TMEM213: variants seen among roughly 807,000 people sequenced by gnomAD.
TMEM213 encodes transmembrane protein 213.
In TMEM213, 7 loss-of-function variants were observed where a neutral mutation model predicts 11.6. The observed-to-expected ratio is 0.60, with a 90% CI of 0.34 to 1.13. TMEM213 has a LOEUF of 1.13. Among genes scored for constraint, TMEM213 ranks in the 50% most tolerant of loss-of-function variants. The pLI is 0.03. For synonymous variants in TMEM213, 60 were observed against 58.3 expected (o/e 1.03, Z -0.13); for missense variants, 129 against 139.0 (o/e 0.93, Z 0.36).
At chr7:138,799,452 G>C (rs188310654) in intron 1 of TMEM213, 1 of 152,320 alleles carries the variant, frequency 6.6e-6, no homozygotes, top group East Asian at 1.9e-4. Flanking sequence ...TTCTGGCTCT[G>C]CTTATAAGGG....
intron 1 of TMEM213, among the ~76,000 whole-genome samples, chr7:138,799,093 C>T (rs915683910): frequency 6.6e-6 from 1 of 152,270 alleles, no homozygotes; most frequent in Non-Finnish European, 1.5e-5. Context: ...GCTATGCGAC[C>T]TCGAGCAAAT....
intron 2 of TMEM213, chr7:138,801,636 C>A (rs999953166): frequency 3.8e-6 from 2 of 530,864 alleles, no homozygotes; most frequent in Non-Finnish European, 6.7e-6. Context: ...ATGACCCATC[C>A]CAGGTCAGCA....
At chr7:138,801,023 G>A (rs559331804) in intron 1 of TMEM213, among the ~76,000 whole-genome samples, 4 of 151,922 alleles carry the variant, frequency 2.6e-5, no homozygotes, top group African/African-American at 7.3e-5. Context: ...TAAGGACCCC[G>A]CCATATTGGA....
In TMEM213 at chr7:138,798,143, C is replaced by A. The variant is rs746245796; in HGVS notation, c.39C>A (p.Ile13=). The part of the protein sequence containing the change: ...RLPAATRATL[I]LSLAFASLHS... Reference sequence around the variant, plus strand: ...CCGCTGCCACCCGGGCCACCCTGATCCTCAGCCTGGCCTTTGCCTCCCTCC... The same window carrying A: ...CCGCTGCCACCCGGGCCACCCTGATACTCAGCCTGGCCTTTGCCTCCCTCC... Residue 13 remains isoleucine (I), a synonymous_variant, in exon 1 of 3, where the codon ATC becomes ATA. Coordinates refer to ENST00000442682, the MANE Select transcript of TMEM213 (RefSeq NM_001085429.2). The A allele has an allele frequency of 1.2e-6, 2 of 1,602,248 alleles. No homozygotes were observed. The highest frequency in any genetic ancestry group is 1.7e-6 in the Non-Finnish European group (2 of 1,174,986).
Position 138,804,062 on chromosome 7 carries a change from A to C in TMEM213, c.*993A>C, listed in dbSNP as rs1401002751. ...CTGTCTTCCACGGCTCTCCTGTCCC[A>C]CCTATTCTCCCTGCCGGTGCCCAAG... On this transcript the variant is annotated 3_prime_UTR_variant, in exon 3 of 3. Transcript: ENST00000442682. The C allele has an allele frequency of 6.6e-6, 1 of 152,272 alleles. No individual in the cohort carries two copies. The highest frequency in any genetic ancestry group is 1.9e-4 in the East Asian group (1 of 5,178). The allele number at this position is 152,272 out of a possible 1,614,324, so 9.4% of individuals were successfully genotyped here. A position where few individuals can be genotyped will look rare whatever the true frequency, so the allele number is the denominator to read the frequency against.
chr7:138,800,742 C>T (rs1808913544), intron 1 of TMEM213, among the ~76,000 whole-genome samples: 1 of 143,414 alleles, frequency 7.0e-6, no homozygotes, highest in Non-Finnish European at 1.5e-5. Flanking sequence ...CACTCGTCAC[C>T]CAGGCTGGAG....
At position 138,805,247 on chromosome 7, in the gene TMEM213, T is replaced by G. The variant is rs1268692997; in HGVS notation, c.*2178T>G. 6.7e-6 allele frequency: 1 copy of G among 150,006 alleles called. No individual in the cohort carries two copies. The highest frequency in any genetic ancestry group is 2.5e-5 in the African/African-American group (1 of 40,750). The allele number at this position is 150,006 out of a possible 1,614,324, so 9.3% of individuals were successfully genotyped here. On this transcript the variant is annotated 3_prime_UTR_variant, in exon 3 of 3. Coordinates refer to ENST00000442682, the MANE Select transcript of TMEM213 (RefSeq NM_001085429.2). ...GTCTCTACAAAAAAAAAAAAAAGATTAGCCAGGCGTGGTGGTGCACACTGA... is the reference window on the plus strand; with the variant it reads ...GTCTCTACAAAAAAAAAAAAAAGATGAGCCAGGCGTGGTGGTGCACACTGA...
At chr7:138,801,257 A>G (rs1808934638) in intron 1 of TMEM213, 70 bp from the exon 2 acceptor site, 2 of 1,405,122 alleles carry the variant, frequency 1.4e-6, no homozygotes, top group Admixed American at 1.9e-5. Flanking sequence ...TTTACAAAAA[A>G]CATTTCAAAA....
Position 138,803,742 on chromosome 7 carries a change from C to T in TMEM213, c.*673C>T, listed in dbSNP as rs2084663. 62,292 of 147,034 alleles carry T rather than the reference C, an allele frequency of 0.42. 13,797 individuals are homozygous for T. The highest frequency in any genetic ancestry group is 0.67 in the East Asian group (3,293 of 4,930). The allele number at this position is 147,034 out of a possible 1,614,324, so 9.1% of individuals were successfully genotyped here. A position where few individuals can be genotyped will look rare whatever the true frequency, so the allele number is the denominator to read the frequency against. On this transcript the variant is annotated 3_prime_UTR_variant, in exon 3 of 3. Transcript: ENST00000442682. Reference sequence around the variant, plus strand: ...GCAGTGAGCCAAGATCATGCCACTGCACTCCAGCCTGGGCGGCAGAGCAAG... The same window carrying T: ...GCAGTGAGCCAAGATCATGCCACTGTACTCCAGCCTGGGCGGCAGAGCAAG...
chr7:138,801,079 G>A (rs1016373990), intron 1 of TMEM213, among the ~76,000 whole-genome samples: 2 of 151,994 alleles, frequency 1.3e-5, no homozygotes, highest in African/African-American at 4.8e-5. Context: ...CTGCCTCTTC[G>A]AATGTCCCAT....
At position 138,803,322 on chromosome 7, in the gene TMEM213, C is replaced by G; in HGVS notation, c.*253C>G. 2.1e-6 allele frequency: 1 copy of G among 475,234 alleles called. No individual in the cohort carries two copies. The allele number at this position is 475,234 out of a possible 1,614,324, so 29.4% of individuals were successfully genotyped here. A position where few individuals can be genotyped will look rare whatever the true frequency, so the allele number is the denominator to read the frequency against. On this transcript the variant is annotated 3_prime_UTR_variant, in exon 3 of 3. Coordinates refer to ENST00000442682, the MANE Select transcript of TMEM213 (RefSeq NM_001085429.2). ...CAAGATAGTCCCTCTGTAATGTATC[C>G]TGTTTTAACCTTTCTTCTAGGCACC...
rs1441760646 is a variant in TMEM213, at chr7:138,798,200, C to T, written c.82+14C>T. The T allele has an allele frequency of 7.6e-6, 12 of 1,578,664 alleles. No homozygotes were observed. Among genetic ancestry groups the T allele is most frequent in the African/African-American group, 1.3e-5 (1 of 74,256 alleles). On this transcript the variant is annotated intron_variant, in intron 1 of 2. Transcript: ENST00000442682. ...CTTGCTCGGCAGGTAGCGTTATGAG[C>T]TTTATTCATGGCCAGGCTGGGAAGG...
rs1584965630 is a variant in TMEM213 at position 138,804,803 on chromosome 7, T to C, written c.*1734T>C. ...TGTCACTTAGCATGGAGAGTGGACG[T>C]TGCACATCACTGTGAAACCTTGCAG... On this transcript the variant is annotated 3_prime_UTR_variant, in exon 3 of 3. Transcript: ENST00000442682. 1 of 152,172 alleles carries C rather than the reference T, an allele frequency of 6.6e-6. No homozygotes were observed. The highest frequency in any genetic ancestry group is 2.4e-5 in the African/African-American group (1 of 41,444). The allele number at this position is 152,172 out of a possible 1,614,324, so 9.4% of individuals were successfully genotyped here.
At chr7:138,798,429 G>A in intron 1 of TMEM213, 1 of 550,062 alleles carries the variant, frequency 1.8e-6, no homozygotes, top group South Asian at 2.1e-5. Flanking sequence ...CTCAGCTAAG[G>A]CAGGAGCAGC....
intron 1 of TMEM213, chr7:138,799,385 T>C (rs922526381): frequency 5.0e-4 from 76 of 152,214 alleles, no homozygotes; most frequent in African/African-American, 1.7e-3. Context: ...AATCGTTGGG[T>C]CTTCCCAGCA....
rs1309516653 is a variant in TMEM213 at position 138,804,694 on chromosome 7, C to T, written c.*1625C>T. On this transcript the variant is annotated 3_prime_UTR_variant, in exon 3 of 3. Coordinates refer to ENST00000442682, the MANE Select transcript of TMEM213 (RefSeq NM_001085429.2). ...GGTCCTCACTCTGCATTAGGAGCCTCCATTTTTCTCCAGATGGTTGAAATA... is the reference window on the plus strand; with the variant it reads ...GGTCCTCACTCTGCATTAGGAGCCTTCATTTTTCTCCAGATGGTTGAAATA... The T allele has an allele frequency of 2.0e-5, 3 of 152,156 alleles. No homozygotes were observed. The highest frequency in any genetic ancestry group is 1.9e-4 in the East Asian group (1 of 5,194). The allele number at this position is 152,156 out of a possible 1,614,324, so 9.4% of individuals were successfully genotyped here.
At position 138,804,755 on chromosome 7, in the gene TMEM213, C is replaced by T. The variant is rs1161818486; in HGVS notation, c.*1686C>T. Reference sequence around the variant, plus strand: ...GAAGGAGCCAATGGTTTGGTCACTGCTCTCTCAGCAAATTACAGTCACTGT... The same window carrying T: ...GAAGGAGCCAATGGTTTGGTCACTGTTCTCTCAGCAAATTACAGTCACTGT... On this transcript the variant is annotated 3_prime_UTR_variant, in exon 3 of 3. Transcript: ENST00000442682. 6.6e-6 allele frequency: 1 copy of T among 152,196 alleles called. No homozygotes were observed. The highest frequency in any genetic ancestry group is 1.9e-4 in the East Asian group (1 of 5,188). 9.4% of individuals were successfully genotyped at this position (152,196 alleles called of 1,614,324 possible).
chr7:138,800,701 CTTCTTT>C (rs1204903836), intron 1 of TMEM213, among the ~76,000 whole-genome samples: 3 of 124,302 alleles, frequency 2.4e-5, no homozygotes, highest in Non-Finnish European at 3.3e-5. Flanking sequence ...TCTTCTTCTT[CTTCTTT>C]TTTTTTTTTT....
At position 138,804,251 on chromosome 7, in the gene TMEM213, A is replaced by G. The variant is rs1809038824; in HGVS notation, c.*1182A>G. On this transcript the variant is annotated 3_prime_UTR_variant, in exon 3 of 3. Coordinates refer to ENST00000442682, the MANE Select transcript of TMEM213 (RefSeq NM_001085429.2). ...CAGTCAGTAGCTCCTAAGGACTAAAACTGTTCAGCCCAGCATTCAGCTCTT... is the reference window on the plus strand; with the variant it reads ...CAGTCAGTAGCTCCTAAGGACTAAAGCTGTTCAGCCCAGCATTCAGCTCTT... 1 of 152,286 alleles carries G rather than the reference A, an allele frequency of 6.6e-6. No individual in the cohort carries two copies. The allele number at this position is 152,286 out of a possible 1,614,324, so 9.4% of individuals were successfully genotyped here. A position where few individuals can be genotyped will look rare whatever the true frequency, so the allele number is the denominator to read the frequency against.
Sources: gnomAD v4.1 joint callset for allele counts (sites outside exome capture counted in the v4.1 genomes callset) on GRCh38, gnomAD v4.1.1 for gene constraint, MANE v1.5 for transcripts, NCBI Gene and HGNC (gene_info 2026-07-23, HGNC 2026-07-21) for gene names.